Variants in GRIA4 observed in about 807,000 individuals in gnomAD.
GRIA4 encodes the protein glutamate receptor 4.
GRIA4 carries 34 observed loss-of-function variants against 104.0 expected under a neutral mutation model. The observed-to-expected ratio is 0.33, with a 90% confidence interval of 0.25 to 0.44. The LOEUF (loss-of-function observed/expected upper bound fraction) is 0.44. GRIA4 is among the 20% of genes least tolerant of loss of function. The pLI, the probability that GRIA4 is intolerant of heterozygous loss-of-function variation, is 1.00. For synonymous variants in GRIA4, 386 were observed against 381.9 expected, an observed-to-expected ratio of 1.01 and a Z score of -0.13; for missense variants, 750 against 1,096.5, an observed-to-expected ratio of 0.68 and a Z score of 4.46.
intron 4 of GRIA4, among the ~76,000 whole-genome samples, chr11:105,786,212 T>C (rs962572591): frequency 4.1e-5 from 6 of 147,436 alleles, no homozygotes; most frequent in African/African-American, 1.5e-4. Context: ...TTTATGACAA[T>C]GTTTTGTAAA....
chr11:105,762,346 T>G (rs2135719282), intron 4 of GRIA4, among the ~76,000 whole-genome samples: 1 of 152,304 alleles, frequency 6.6e-6, no homozygotes, highest in East Asian at 1.9e-4. Flanking sequence ...ATAGTTAAAC[T>G]ATAAATTGAT....
chr11:105,845,686 A>T (rs545738720), intron 4 of GRIA4, among the ~76,000 whole-genome samples: 7 of 152,236 alleles, frequency 4.6e-5, no homozygotes, highest in African/African-American at 1.4e-4. Context: ...GATAGAGACC[A>T]TCCTGGCTAA....
chr11:105,690,581 C>A (rs1347221085), intron 3 of GRIA4, among the ~76,000 whole-genome samples: 1 of 152,064 alleles, frequency 6.6e-6, no homozygotes, highest in Non-Finnish European at 1.5e-5. Flanking sequence ...AGCAAACATT[C>A]CAAATGAAGA....
At chr11:105,759,640 G>T (rs1381527392) in intron 4 of GRIA4, among the ~76,000 whole-genome samples, 2 of 151,948 alleles carry the variant, frequency 1.3e-5, no homozygotes, top group Admixed American at 6.6e-5. Flanking sequence ...AGAGAAAATG[G>T]TTTTTCCAAA....
chr11:105,710,502 T>G (rs1010605313), intron 3 of GRIA4, among the ~76,000 whole-genome samples: 1 of 152,084 alleles, frequency 6.6e-6, no homozygotes, highest in Non-Finnish European at 1.5e-5. Flanking sequence ...TATATATAAA[T>G]GTCAAAAAAA....
intron 10 of GRIA4, chr11:105,912,160 A>T: frequency 1.9e-6 from 2 of 1,026,362 alleles, no homozygotes; most frequent in Non-Finnish European, 2.4e-6. Context: ...TGACATATCA[A>T]TTCCCCTATC....
chr11:105,796,302 A>T (rs1253704484), intron 4 of GRIA4, among the ~76,000 whole-genome samples: 2 of 152,116 alleles, frequency 1.3e-5, no homozygotes, highest in Admixed American at 1.3e-4. Flanking sequence ...ATTTGATCAA[A>T]TCTTCAATCT....
chr11:105,885,299 A>G (rs752980078), intron 5 of GRIA4, among the ~76,000 whole-genome samples: 2 of 152,174 alleles, frequency 1.3e-5, no homozygotes, highest in Non-Finnish European at 2.9e-5. Context: ...TAATTCAGCT[A>G]TTTCATAAAC....
At position 105,610,890 on chromosome 11, in the gene GRIA4, G is replaced by GTTTTTAT; in HGVS notation, c.-90-18_-90-17insTTTTTAT. 4.8e-6 allele frequency: 1 copy of GTTTTTAT among 207,234 alleles called. No individual in the cohort carries two copies. Among genetic ancestry groups the GTTTTTAT allele is most frequent in the Non-Finnish European group, 8.0e-6 (1 of 124,808 alleles). 12.8% of individuals were successfully genotyped at this position (207,234 alleles called of 1,614,324 possible). A position where few individuals can be genotyped will look rare whatever the true frequency, so the allele number is the denominator to read the frequency against. On this transcript the variant is annotated splice_polypyrimidine_tract_variant and intron_variant, in intron 1 of 16. Coordinates refer to ENST00000282499, the MANE Select transcript of GRIA4 (RefSeq NM_000829.4). ...CTTTTCTTTTTTTTTTTTTTTTTTT[G>GTTTTTAT]GTTGATTTTAATTTTAGCGCCATCG...
intron 3 of GRIA4, among the ~76,000 whole-genome samples, chr11:105,626,850 C>A (rs1223519390): frequency 6.6e-6 from 1 of 151,900 alleles, no homozygotes; most frequent in Non-Finnish European, 1.5e-5. Context: ...TAGTCAGATG[C>A]AAAAAAAGAT....
intron 11 of GRIA4, among the ~76,000 whole-genome samples, chr11:105,920,788 G>A (rs960239914): frequency 6.6e-6 from 1 of 152,064 alleles, no homozygotes; most frequent in Non-Finnish European, 1.5e-5. Context: ...TCTGCAAGTG[G>A]TTAAAGACTC....
At chr11:105,948,237 A>G (rs1347878659) in intron 14 of GRIA4, among the ~76,000 whole-genome samples, 1 of 152,236 alleles carries the variant, frequency 6.6e-6, no homozygotes, top group Non-Finnish European at 1.5e-5. Context: ...AAGATCAATT[A>G]AAACACATTT....
chr11:105,654,163 A>C (rs1349191562), intron 3 of GRIA4, among the ~76,000 whole-genome samples: 1 of 152,012 alleles, frequency 6.6e-6, no homozygotes, highest in African/African-American at 2.4e-5. Context: ...AGCAGAGAGT[A>C]AGGTAATGGT....
At chr11:105,787,878 A>G (rs1254717790) in intron 4 of GRIA4, among the ~76,000 whole-genome samples, 2 of 152,068 alleles carry the variant, frequency 1.3e-5, no homozygotes, top group Non-Finnish European at 2.9e-5. Flanking sequence ...GGGTTGTTTT[A>G]TTATTTGTTT....
chr11:105,629,221 A>C (rs993184256), intron 3 of GRIA4, among the ~76,000 whole-genome samples: 8 of 151,940 alleles, frequency 5.3e-5, no homozygotes, highest in African/African-American at 1.9e-4. Context: ...TGACAAAGTA[A>C]GACACTGTCT....
At chr11:105,809,954 G>A (rs993970139) in intron 4 of GRIA4, among the ~76,000 whole-genome samples, 16 of 151,952 alleles carry the variant, frequency 1.1e-4, no homozygotes, top group African/African-American at 3.6e-4. Context: ...ACCTCCACAA[G>A]ATCATTTTTT....
intron 3 of GRIA4, among the ~76,000 whole-genome samples, chr11:105,642,964 G>C (rs1951413835): frequency 6.6e-6 from 1 of 152,058 alleles, no homozygotes; most frequent in African/African-American, 2.4e-5. Context: ...CATGGCAAAA[G>C]GAAAGCAAAC....
chr11:105,835,616 T>G (rs945304371), intron 4 of GRIA4, among the ~76,000 whole-genome samples: 5 of 152,104 alleles, frequency 3.3e-5, no homozygotes, highest in Non-Finnish European at 7.4e-5. Context: ...TAAATGATTA[T>G]CTCACTAAAA....
Position 105,928,980 on chromosome 11 carries a change from C to T in GRIA4, c.2046+2041C>T, listed in dbSNP as rs181832727. On this transcript the variant is annotated intron_variant, in intron 13 of 16. Coordinates refer to ENST00000282499, the MANE Select transcript of GRIA4 (RefSeq NM_000829.4). Reference sequence around the variant, plus strand: ...CTTGTTTCCTTTCTCTCCAACCCAACTTCAGTTTTTAAATTGGAAGATTTT... The same window carrying T: ...CTTGTTTCCTTTCTCTCCAACCCAATTTCAGTTTTTAAATTGGAAGATTTT... 1.4e-3 allele frequency among the ~76,000 whole-genome samples: 212 copies of T among 152,216 alleles called. 1 individual carries two copies. Among genetic ancestry groups the T allele is most frequent in the African/African-American group, 4.8e-3 (198 of 41,568 alleles).
Sources: gnomAD v4.1 joint callset for allele counts (sites outside exome capture counted in the v4.1 genomes callset) on GRCh38, gnomAD v4.1.1 for gene constraint, MANE v1.5 for transcripts, NCBI Gene and HGNC (gene_info 2026-07-23, HGNC 2026-07-21) for gene names.